Variants in EPCAM observed in about 807,000 individuals in gnomAD.
EPCAM encodes the protein epithelial cell adhesion molecule, also known as adenocarcinoma-associated antigen.
EPCAM carries 39 observed loss-of-function variants against 40.0 expected under a neutral mutation model. That is an observed-to-expected ratio of 0.98 (90% CI 0.76 to 1.27). EPCAM has a LOEUF of 1.27. EPCAM is among the 50% of genes most tolerant of loss of function. The probability of loss-of-function intolerance (pLI) is 0.00; values close to 1 mark genes in which losing one functional copy is unlikely to be tolerated. For missense variants in EPCAM, 503 were observed against 381.2 expected, an observed-to-expected ratio of 1.32 and a Z score of -2.66; for synonymous variants, 168 against 132.3, an observed-to-expected ratio of 1.27 and a Z score of -1.85.
chr2:47,380,056 C>T, intron 7 of EPCAM, 87 bp downstream of exon 7: 1 of 1,544,398 alleles, frequency 6.5e-7, no homozygotes, highest in Non-Finnish European at 8.7e-7. Context: ...CTCACCACAC[C>T]TGTTATCCCT....
At chr2:47,372,371 C>T (rs1411505398) in intron 1 of EPCAM, among the ~76,000 whole-genome samples, 1 of 151,864 alleles carries the variant, frequency 6.6e-6, no homozygotes, top group Non-Finnish European at 1.5e-5. Flanking sequence ...GGCATGGTGG[C>T]TCACGTCTGT....
chr2:47,376,107 C>T (rs963764904), intron 4 of EPCAM, among the ~76,000 whole-genome samples: 2 of 152,114 alleles, frequency 1.3e-5, no homozygotes, highest in Non-Finnish European at 2.9e-5. Context: ...CCATGTATCA[C>T]ATTTAGTTGT....
Position 47,386,805 on chromosome 2 carries a change from A to G in EPCAM, c.*192A>G, listed in dbSNP as rs1220588202. ...GCTTTACCAATCTTGAAATTTGACCACAAGTGTCTTATATATGCAGATCTA... is the reference window on the plus strand; with the variant it reads ...GCTTTACCAATCTTGAAATTTGACCGCAAGTGTCTTATATATGCAGATCTA... On this transcript the variant is annotated 3_prime_UTR_variant, in exon 9 of 9. Coordinates refer to ENST00000263735, the MANE Select transcript of EPCAM (RefSeq NM_002354.3). The G allele has an allele frequency of 4.1e-6, 2 of 484,030 alleles. No individual in the cohort carries two copies. Among genetic ancestry groups the G allele is most frequent in the African/African-American group, 1.9e-5 (1 of 51,938 alleles). The allele number at this position is 484,030 out of a possible 1,614,324, so 30.0% of individuals were successfully genotyped here.
intron 7 of EPCAM, among the ~76,000 whole-genome samples, chr2:47,383,704 G>A (rs1311498919): frequency 8.0e-6 from 1 of 125,506 alleles, no homozygotes; most frequent in African/African-American, 3.2e-5. Context: ...GCACGATCTC[G>A]GCTCACTGCA....
chr2:47,385,930 AACAG>A (rs1671734049), intron 8 of EPCAM, among the ~76,000 whole-genome samples: 1 of 152,176 alleles, frequency 6.6e-6, no homozygotes. Flanking sequence ...ATTGAATGGT[AACAG>A]ACAGGCAGAA....
chr2:47,375,422 A>G (rs1029709672), intron 4 of EPCAM, 123 bp downstream of exon 4: 3 of 704,428 alleles, frequency 4.3e-6, no homozygotes, highest in African/African-American at 1.8e-5. Flanking sequence ...GTTACTTGAA[A>G]TAGAGTTGCA....
chr2:47,379,091 G>A, intron 6 of EPCAM, 37 bp downstream of exon 6: 26 of 1,068,654 alleles, frequency 2.4e-5, no homozygotes, highest in Non-Finnish European at 3.8e-5. Flanking sequence ...GTTCAGGAAT[G>A]TAGTCTATCA....
At chr2:47,383,725 C>G (rs72882783) in intron 7 of EPCAM, among the ~76,000 whole-genome samples, 3,091 of 139,202 alleles carry the variant, frequency 0.022, 128 homozygotes, top group African/African-American at 0.08. Flanking sequence ...ACCTCCATCT[C>G]CCAGGTTCAA....
At chr2:47,385,145 A>G in intron 7 of EPCAM, 21 bp from the exon 8 acceptor site, 15 of 1,598,284 alleles carry the variant, frequency 9.4e-6, no homozygotes, top group Non-Finnish European at 1.3e-5. Context: ...CTAAAACAAT[A>G]GTTGTCTTTC....
intron 1 of EPCAM, among the ~76,000 whole-genome samples, chr2:47,373,231 A>AAAAAAAC (rs1558434793): frequency 4.4e-5 from 6 of 137,228 alleles, no homozygotes; most frequent in Non-Finnish European, 8.2e-5. Flanking sequence ...AAAAAAAAAA[A>AAAAAAAC]AAAACAGGAA....
In EPCAM at chr2:47,379,847, C is replaced by G. The variant is rs2103759009; in HGVS notation, c.736C>G (p.Gln246Glu). 3.1e-6 allele frequency: 5 copies of G among 1,614,042 alleles called. No homozygotes were observed. Among genetic ancestry groups the G allele is most frequent in the Non-Finnish European group, 4.2e-6 (5 of 1,180,032 alleles). ...GGAACAACTGGATCTGGATCCTGGT[C>G]AAACTTTAATTTATTATGTTGATGA... ...NGEQLDLDPG[Q>E]TLIYYVDEKA... Residue 246 changes from glutamine (Q) to glutamate (E), a missense_variant, in exon 7 of 9, where the codon CAA becomes GAA. Coordinates refer to ENST00000263735, the MANE Select transcript of EPCAM (RefSeq NM_002354.3).
rs752052835 is a variant in EPCAM, at chr2:47,374,065, A to G, written c.425+17A>G. The G allele has an allele frequency of 5.6e-6, 9 of 1,613,890 alleles. No individual in the cohort carries two copies. In the Admixed American group the frequency reaches 6.7e-5, roughly 12 times the overall value. On this transcript the variant is annotated intron_variant, in intron 3 of 8. Coordinates refer to ENST00000263735, the MANE Select transcript of EPCAM (RefSeq NM_002354.3). ...GAGAACCTAGTGAGTGGGGCTGCCT[A>G]TACTACTTGTTTTCATGCTGTTCAG...
chr2:47,379,174 C>T (rs1054108105), intron 6 of EPCAM, 120 bp downstream of exon 6: 20 of 690,050 alleles, frequency 2.9e-5, no homozygotes, highest in African/African-American at 1.2e-4. Context: ...TCGCTGCTGC[C>T]GTTAATTTTG....
chr2:47,384,381 G>C (rs956636778), intron 7 of EPCAM, among the ~76,000 whole-genome samples: 2 of 150,778 alleles, frequency 1.3e-5, no homozygotes, highest in Admixed American at 6.6e-5. Flanking sequence ...TAAGATTACA[G>C]GCATGAGCCA....
intron 8 of EPCAM, among the ~76,000 whole-genome samples, chr2:47,386,306 A>T (rs1012432000): frequency 6.6e-6 from 1 of 152,306 alleles, no homozygotes; most frequent in East Asian, 1.9e-4. Flanking sequence ...GCATTTAATA[A>T]AAATCTTATT....
At chr2:47,384,188 C>G (rs1203190912) in intron 7 of EPCAM, among the ~76,000 whole-genome samples, 2 of 151,558 alleles carry the variant, frequency 1.3e-5, no homozygotes, top group Admixed American at 1.3e-4. Flanking sequence ...ACTGCAACCT[C>G]TGCCCCCCAG....
At chr2:47,373,727 G>A in intron 2 of EPCAM, 81 bp from the exon 3 acceptor site, 2 of 1,579,914 alleles carry the variant, frequency 1.3e-6, no homozygotes, top group Non-Finnish European at 1.7e-6. Context: ...CTTTGACCCT[G>A]GAACTTTAGA....
At chr2:47,371,064 C>A (rs545742288) in intron 1 of EPCAM, among the ~76,000 whole-genome samples, 1 of 152,130 alleles carries the variant, frequency 6.6e-6, no homozygotes, top group African/African-American at 2.4e-5. Flanking sequence ...AGGCTGGTCT[C>A]GAACTCCTGG....
intron 3 of EPCAM, 112 bp downstream of exon 3, chr2:47,374,160 T>G: frequency 5.5e-6 from 7 of 1,270,938 alleles, no homozygotes; most frequent in Non-Finnish European, 7.8e-6. Context: ...AAGATATGAG[T>G]GTCCAGTGAA....
Sources: allele counts gnomAD v4.1 joint callset (sites outside exome capture counted in the v4.1 genomes callset), GRCh38; gene constraint gnomAD v4.1.1; transcripts MANE v1.5; gene names NCBI Gene and HGNC (gene_info 2026-07-23, HGNC 2026-07-21).